Variants in CACNG3 observed in about 807,000 individuals in gnomAD.
CACNG3 encodes the protein calcium voltage-gated channel auxiliary subunit gamma 3, also known as voltage-dependent calcium channel gamma-3 subunit.
CACNG3 carries 3 observed loss-of-function variants against 28.5 expected under a neutral mutation model. The observed-to-expected ratio is 0.11, with a 90% CI of 0.05 to 0.27. The LOEUF (loss-of-function observed/expected upper bound fraction) is 0.27, where lower values mean the gene tolerates loss of function less well. CACNG3 is among the 10% of genes least tolerant of loss of function. CACNG3 has a pLI of 1.00. For missense variants in CACNG3, 236 were observed against 414.4 expected (o/e 0.57, Z 3.74); for synonymous variants, 174 against 162.2 (o/e 1.07, Z -0.55).
intron 1 of CACNG3, among the ~76,000 whole-genome samples, chr16:24,282,292 T>C (rs895616872): frequency 4.6e-5 from 7 of 152,096 alleles, no homozygotes; most frequent in African/African-American, 1.7e-4. Context: ...GTAATGTAGC[T>C]TGAGCGCTTA....
chr16:24,262,123 C>G (rs1240441584), intron 1 of CACNG3, among the ~76,000 whole-genome samples: 1 of 152,198 alleles, frequency 6.6e-6, no homozygotes, highest in Non-Finnish European at 1.5e-5. Context: ...AACTTAGAAA[C>G]AGTACCCAGT....
At chr16:24,289,261 A>C (rs191626331) in intron 1 of CACNG3, among the ~76,000 whole-genome samples, 1 of 152,224 alleles carries the variant, frequency 6.6e-6, no homozygotes, top group African/African-American at 2.4e-5. Context: ...TCTTTGGCCA[A>C]ATGCAATCTT....
intron 2 of CACNG3, among the ~76,000 whole-genome samples, chr16:24,348,680 A>C (rs145611227): frequency 1.3e-3 from 202 of 152,282 alleles, no homozygotes; most frequent in Middle Eastern, 6.8e-3. Context: ...CCACACTTAG[A>C]GATGTAGCTT....
chr16:24,323,870 C>T (rs1482918547), intron 1 of CACNG3, among the ~76,000 whole-genome samples: 1 of 152,112 alleles, frequency 6.6e-6, no homozygotes, highest in Non-Finnish European at 1.5e-5. Context: ...CAGGTTCAAG[C>T]GATTCTTCTG....
chr16:24,315,133 C>A (rs78485460), intron 1 of CACNG3, among the ~76,000 whole-genome samples: 1 of 152,208 alleles, frequency 6.6e-6, no homozygotes, highest in East Asian at 1.9e-4. Flanking sequence ...CTTTGCAATG[C>A]CTCTCAGAAT....
chr16:24,269,745 T>TAAA (rs1898659504), intron 1 of CACNG3, among the ~76,000 whole-genome samples: 1 of 17,412 alleles, frequency 5.7e-5, no homozygotes. Context: ...AGACTCCATC[T>TAAA]CAAAAAAAAA....
intron 1 of CACNG3, among the ~76,000 whole-genome samples, chr16:24,309,807 G>A (rs1019180503): frequency 2.0e-5 from 3 of 152,174 alleles, no homozygotes; most frequent in African/African-American, 4.8e-5. Context: ...CAGGCAGAGG[G>A]CGTGGCGCAT....
At chr16:24,269,546 A>G (rs976553340) in intron 1 of CACNG3, among the ~76,000 whole-genome samples, 4 of 152,164 alleles carry the variant, frequency 2.6e-5, no homozygotes, top group Non-Finnish European at 4.4e-5. Flanking sequence ...CAGGAGTTCG[A>G]GACCAGCCTG....
intron 1 of CACNG3, among the ~76,000 whole-genome samples, chr16:24,274,903 G>T (rs1898734295): frequency 1.3e-5 from 2 of 152,124 alleles, no homozygotes; most frequent in Admixed American, 1.3e-4. Flanking sequence ...AAGTGGTAGA[G>T]GTAGAATACA....
intron 1 of CACNG3, among the ~76,000 whole-genome samples, chr16:24,276,479 C>T (rs1898754925): frequency 6.6e-6 from 1 of 152,206 alleles, no homozygotes; most frequent in Non-Finnish European, 1.5e-5. Flanking sequence ...TGTTGACTAA[C>T]TTCATATAGT....
chr16:24,351,673 AGAAAGAAAGAAG>A (rs1252395649), intron 2 of CACNG3, among the ~76,000 whole-genome samples: 1 of 144,452 alleles, frequency 6.9e-6, no homozygotes, highest in East Asian at 2.1e-4. Context: ...AAAGAAAGAA[AGAAAGAAAGAAG>A]GAAAGAAAGA....
chr16:24,265,340 GAA>G (rs1898586792), intron 1 of CACNG3, among the ~76,000 whole-genome samples: 1 of 108,902 alleles, frequency 9.2e-6, no homozygotes, highest in Admixed American at 9.8e-5. Context: ...AAGAAGGAAA[GAA>G]AGAAAAAGGA....
At chr16:24,267,890 C>T (rs968072241) in intron 1 of CACNG3, among the ~76,000 whole-genome samples, 2 of 151,886 alleles carry the variant, frequency 1.3e-5, no homozygotes, top group African/African-American at 2.4e-5. Context: ...AGGCTGGTCT[C>T]GAACTCCTGG....
At chr16:24,359,581 G>C (rs1160162449) in intron 3 of CACNG3, among the ~76,000 whole-genome samples, 1 of 152,104 alleles carries the variant, frequency 6.6e-6, no homozygotes. Flanking sequence ...AAATATTGAG[G>C]CTGGGCATGA....
At chr16:24,351,465 G>A (rs1249048826) in intron 2 of CACNG3, among the ~76,000 whole-genome samples, 1 of 151,664 alleles carries the variant, frequency 6.6e-6, no homozygotes, top group African/African-American at 2.4e-5. Flanking sequence ...CCAGCTACTC[G>A]GGAAGCTGAG....
At chr16:24,317,849 C>A (rs1259666533) in intron 1 of CACNG3, among the ~76,000 whole-genome samples, 1 of 152,174 alleles carries the variant, frequency 6.6e-6, no homozygotes, top group Non-Finnish European at 1.5e-5. Flanking sequence ...TTCTGCACCC[C>A]CTGAAGCTTC....
intron 1 of CACNG3, among the ~76,000 whole-genome samples, chr16:24,272,586 T>G (rs1898705063): frequency 6.6e-6 from 1 of 152,204 alleles, no homozygotes; most frequent in South Asian, 2.1e-4. Context: ...CATTTATTTT[T>G]CAGTTAACAA....
intron 1 of CACNG3, among the ~76,000 whole-genome samples, chr16:24,294,850 G>T (rs1320131190): frequency 6.6e-6 from 1 of 152,200 alleles, no homozygotes; most frequent in African/African-American, 2.4e-5. Flanking sequence ...GTATTTCATA[G>T]AGCTACTATG....
intron 1 of CACNG3, among the ~76,000 whole-genome samples, chr16:24,287,544 A>C (rs1038615726): frequency 2.0e-5 from 3 of 151,584 alleles, no homozygotes; most frequent in African/African-American, 7.3e-5. Context: ...AGGAAGAAAA[A>C]GAAAAAAAAA....
Sources: gnomAD v4.1 joint callset for allele counts (sites outside exome capture counted in the v4.1 genomes callset) on GRCh38, gnomAD v4.1.1 for gene constraint, MANE v1.5 for transcripts, NCBI Gene and HGNC (gene_info 2026-07-23, HGNC 2026-07-21) for gene names.